The following IL1RAPL2 variants were observed in gnomAD, a reference collection of about 807,000 sequenced individuals.
The protein encoded by IL1RAPL2 is X-linked interleukin-1 receptor accessory protein-like 2.
A neutral mutation model predicts 44.1 loss-of-function variants in IL1RAPL2; 3 were observed. The ratio of observed to expected loss-of-function variants is 0.07; its 90% confidence interval spans 0.03 to 0.18. The LOEUF is 0.18. Among genes scored for constraint, IL1RAPL2 ranks in the 10% least tolerant of loss-of-function variants. The pLI is 1.00. For missense variants in IL1RAPL2, 391 were observed against 496.4 expected (o/e 0.79, Z 2.02); for synonymous variants, 181 against 178.8 (o/e 1.01, Z -0.10).
chrX:105,581,427 C>T (rs181667145), intron 6 of IL1RAPL2, among the ~76,000 whole-genome samples: 13 of 111,198 alleles, frequency 1.2e-4, no homozygotes, highest in South Asian at 3.8e-4. Context: ...AGATCATAAA[C>T]GAGATTTAAC....
At chrX:105,596,399 T>C in intron 6 of IL1RAPL2, among the ~76,000 whole-genome samples, 1 of 111,431 alleles carries the variant, frequency 9.0e-6, no homozygotes, top group East Asian at 2.8e-4. Flanking sequence ...ATTTCCCTTT[T>C]GATTTCTTTT....
At chrX:104,903,924 T>A (rs976070564) in intron 2 of IL1RAPL2, among the ~76,000 whole-genome samples, 1 of 111,507 alleles carries the variant, frequency 9.0e-6, no homozygotes, top group Non-Finnish European at 1.9e-5. Context: ...ACAGAAGGGA[T>A]AAGTAGTGTT....
At chrX:105,393,443 A>T (rs921977785) in intron 5 of IL1RAPL2, among the ~76,000 whole-genome samples, 6 of 111,615 alleles carry the variant, frequency 5.4e-5, no homozygotes, top group African/African-American at 2.0e-4. Context: ...CTTCAGAACA[A>T]TGGCTTGTTG....
At chrX:105,638,491 T>C (rs1302807772) in intron 6 of IL1RAPL2, among the ~76,000 whole-genome samples, 1 of 111,210 alleles carries the variant, frequency 9.0e-6, no homozygotes, top group Non-Finnish European at 1.9e-5. Context: ...AGGTCCACAT[T>C]AGCCCTGCAA....
At chrX:105,024,164 T>G (rs188625385) in intron 2 of IL1RAPL2, among the ~76,000 whole-genome samples, 2 of 111,740 alleles carry the variant, frequency 1.8e-5, no homozygotes, top group Non-Finnish European at 3.8e-5. Context: ...CTTGTTTTAT[T>G]GTATGTTCTG....
At position 105,598,255 on chromosome X, in the gene IL1RAPL2, C is replaced by A. The variant is rs754486204; in HGVS notation, c.772+113868C>A. Among the ~76,000 whole-genome samples the A allele has an allele frequency of 1.8e-4, 20 of 109,939 alleles. No homozygotes were observed. The South Asian group carries it at 2.7e-3, about 15-fold the overall frequency. On this transcript the variant is annotated intron_variant, in intron 6 of 10. Coordinates refer to ENST00000372582, the MANE Select transcript of IL1RAPL2 (RefSeq NM_017416.2). ...TCTTATAAGTGAAAACACACACACA[C>A]AAAAAAAGTCAAACACATAGAAACA...
chrX:105,291,025 C>T (rs2034608777), intron 5 of IL1RAPL2, among the ~76,000 whole-genome samples: 1 of 111,394 alleles, frequency 9.0e-6, no homozygotes, highest in Admixed American at 9.6e-5. Context: ...CCATTTCTGC[C>T]TATTTAAAGC....
At chrX:104,593,023 C>A (rs977159260) in intron 1 of IL1RAPL2, among the ~76,000 whole-genome samples, 1 of 111,269 alleles carries the variant, frequency 9.0e-6, no homozygotes, top group Admixed American at 9.6e-5. Flanking sequence ...GGTCTCTGAA[C>A]CACATTGATC....
intron 6 of IL1RAPL2, among the ~76,000 whole-genome samples, chrX:105,643,922 C>T (rs1049820147): frequency 1.8e-5 from 2 of 111,361 alleles, no homozygotes; most frequent in Non-Finnish European, 1.9e-5. Flanking sequence ...GACAGAGTCT[C>T]ACTCTGTCCC....
intron 2 of IL1RAPL2, among the ~76,000 whole-genome samples, chrX:105,138,196 T>A (rs2033093935): frequency 1.8e-5 from 2 of 111,748 alleles, no homozygotes; most frequent in Admixed American, 9.5e-5. Context: ...CCACTAGTAT[T>A]AAGTCTCCCT....
intron 5 of IL1RAPL2, among the ~76,000 whole-genome samples, chrX:105,292,994 C>T (rs1030636222): frequency 1.8e-5 from 2 of 108,640 alleles, no homozygotes; most frequent in Admixed American, 2.0e-4. Context: ...CGCCTGTAGT[C>T]CCAGCTACTC....
At chrX:105,326,617 T>A (rs1311327673) in intron 5 of IL1RAPL2, among the ~76,000 whole-genome samples, 4 of 111,711 alleles carry the variant, frequency 3.6e-5, no homozygotes. Context: ...AGAATTAATC[T>A]TTTTGCATTG....
intron 7 of IL1RAPL2, among the ~76,000 whole-genome samples, chrX:105,739,225 G>A (rs1208941837): frequency 9.0e-6 from 1 of 110,570 alleles, no homozygotes; most frequent in Non-Finnish European, 1.9e-5. Flanking sequence ...CATGATCTTA[G>A]TTTAGAGCTT....
intron 5 of IL1RAPL2, among the ~76,000 whole-genome samples, chrX:105,440,815 A>C (rs1302975233): frequency 1.8e-5 from 2 of 111,708 alleles, no homozygotes; most frequent in Non-Finnish European, 3.8e-5. Context: ...AGGTGGAGAT[A>C]ATTGAATCAT....
intron 2 of IL1RAPL2, among the ~76,000 whole-genome samples, chrX:104,986,270 A>G (rs1302234292): frequency 8.9e-6 from 1 of 111,914 alleles, no homozygotes; most frequent in Non-Finnish European, 1.9e-5. Flanking sequence ...TCTTTATACA[A>G]TGAGGGTGAC....
At position 105,049,582 on chromosome X, in the gene IL1RAPL2, A is replaced by T. The variant is rs7057723; in HGVS notation, c.83-145893A>T. Reference sequence around the variant, plus strand: ...CAGCACATAATGTAAATTCTTAATGATTATAACTTTTCTAAATTCAGCCCT... The same window carrying T: ...CAGCACATAATGTAAATTCTTAATGTTTATAACTTTTCTAAATTCAGCCCT... On this transcript the variant is annotated intron_variant, in intron 2 of 10. Coordinates refer to ENST00000372582, the MANE Select transcript of IL1RAPL2 (RefSeq NM_017416.2). Among the ~76,000 whole-genome samples, 226 of 111,381 alleles carry T rather than the reference A, an allele frequency of 2.0e-3. 1 individual carries two copies. Among genetic ancestry groups the T allele is most frequent in the African/African-American group, 7.1e-3 (218 of 30,683 alleles).
intron 5 of IL1RAPL2, among the ~76,000 whole-genome samples, chrX:105,429,801 C>G (rs1468932256): frequency 1.8e-5 from 2 of 111,416 alleles, no homozygotes; most frequent in Non-Finnish European, 3.8e-5. Context: ...CAAAAAGAAG[C>G]CTTAGCTTGA....
At chrX:105,700,148 A>C (rs1602528787) in intron 6 of IL1RAPL2, among the ~76,000 whole-genome samples, 1 of 111,606 alleles carries the variant, frequency 9.0e-6, no homozygotes, top group African/African-American at 3.2e-5. Flanking sequence ...ACAGCAGTAT[A>C]AATTGGTGAG....
At chrX:105,406,216 C>T (rs187686655) in intron 5 of IL1RAPL2, 4 of 1,133,848 alleles carry the variant, frequency 3.5e-6, no homozygotes, top group East Asian at 3.0e-5. Context: ...AAGAACCTGA[C>T]AGTATGCTGG....
Sources: allele counts gnomAD v4.1 joint callset (sites outside exome capture counted in the v4.1 genomes callset), GRCh38; gene constraint gnomAD v4.1.1; transcripts MANE v1.5; gene names NCBI Gene and HGNC (gene_info 2026-07-23, HGNC 2026-07-21).